The following PLEK2 variants were observed in gnomAD, a reference collection of about 807,000 sequenced individuals.
The protein encoded by PLEK2 is pleckstrin-2.
PLEK2 carries 29 observed loss-of-function variants against 43.8 expected under a neutral mutation model. That is an observed-to-expected ratio of 0.66 (90% CI 0.49 to 0.90). PLEK2 has a LOEUF of 0.90. Ranked by LOEUF, PLEK2 falls within the 40% of genes least tolerant of loss-of-function variation. The probability of loss-of-function intolerance (pLI) is 0.00; values close to 1 mark genes in which losing one functional copy is unlikely to be tolerated. For synonymous variants in PLEK2, 162 were observed against 173.2 expected, an observed-to-expected ratio of 0.94 and a Z score of 0.51; for missense variants, 398 against 448.1, an observed-to-expected ratio of 0.89 and a Z score of 1.01.
At position 67,412,109 on chromosome 14, in the gene PLEK2, C is replaced by G; in HGVS notation, c.-50G>C. 6.8e-7 allele frequency: 1 copy of G among 1,461,728 alleles called. No individual in the cohort carries two copies. The allele number at this position is 1,461,728 out of a possible 1,614,324, so 90.5% of individuals were successfully genotyped here. A position where few individuals can be genotyped will look rare whatever the true frequency, so the allele number is the denominator to read the frequency against. ...CCCCAGGTGCGCCTTCCCCGCGCCT[C>G]GCGCTCCTCGGCACCCGCGCAGCCC... On this transcript the variant is annotated 5_prime_UTR_variant, in exon 1 of 9. Transcript: ENST00000216446.
intron 3 of PLEK2, 74 bp downstream of exon 3, chr14:67,395,328 A>T (rs1472011819): frequency 1.5e-6 from 2 of 1,365,912 alleles, no homozygotes. Flanking sequence ...GAGCCCCCCC[A>T]AGGGGCAGGG....
chr14:67,408,804 C>A (rs569986505), intron 1 of PLEK2, among the ~76,000 whole-genome samples: 9 of 152,254 alleles, frequency 5.9e-5, no homozygotes, highest in African/African-American at 2.2e-4. Flanking sequence ...TTTTTCTTTA[C>A]TCATACATTT....
chr14:67,408,295 TAAATAAAATA>T (rs571696195), intron 1 of PLEK2, among the ~76,000 whole-genome samples: 24,154 of 116,564 alleles, frequency 0.21, 2,696 homozygotes, highest in Non-Finnish European at 0.26. Flanking sequence ...TCAAAATAAA[TAAATAAAATA>T]AAATAAAATA....
At chr14:67,389,126 G>A (rs542581013) in intron 7 of PLEK2, among the ~76,000 whole-genome samples, 26 of 152,050 alleles carry the variant, frequency 1.7e-4, no homozygotes, top group East Asian at 1.5e-3. Context: ...TACACACCTC[G>A]TGCCTCAGGC....
intron 6 of PLEK2, 91 bp downstream of exon 6, chr14:67,392,235 A>G (rs2085974287): frequency 1.1e-6 from 1 of 875,688 alleles, no homozygotes; most frequent in Non-Finnish European, 1.9e-6. Flanking sequence ...GCCCTCCAGC[A>G]GCCTCAGCCC....
intron 1 of PLEK2, among the ~76,000 whole-genome samples, chr14:67,411,137 A>C (rs1311601483): frequency 9.0e-6 from 1 of 110,704 alleles, no homozygotes; most frequent in African/African-American, 3.7e-5. Flanking sequence ...ACCCTGTCTC[A>C]AAAAAAAAAA....
intron 1 of PLEK2, among the ~76,000 whole-genome samples, chr14:67,406,041 T>C (rs2086076144): frequency 6.6e-6 from 1 of 152,100 alleles, no homozygotes; most frequent in Non-Finnish European, 1.5e-5. Flanking sequence ...GGTAGATCAC[T>C]TAAAGTCAAG....
rs542759243 is a variant in PLEK2 at position 67,403,739 on chromosome 14, A to G, written c.43-5913T>C. ...TTGACCCAATAATACCACTTTAGGG[A>G]TCTCTGTTAAGTAAATAATCTAGAA... On this transcript the variant is annotated intron_variant, in intron 1 of 8. Transcript: ENST00000216446. Among the ~76,000 whole-genome samples, 3 of 152,328 alleles carry G rather than the reference A, an allele frequency of 2.0e-5. No individual in the cohort carries two copies. In the East Asian group the frequency reaches 5.8e-4, roughly 29 times the overall value.
chr14:67,392,596 C>T, intron 5 of PLEK2, 66 bp downstream of exon 5: 1 of 1,445,082 alleles, frequency 6.9e-7, no homozygotes, highest in Non-Finnish European at 9.6e-7. Context: ...GCCCCCAGGC[C>T]CCCATTCTGT....
intron 3 of PLEK2, 152 bp downstream of exon 3, chr14:67,395,250 A>G (rs2085998436): frequency 1.6e-6 from 1 of 642,848 alleles, no homozygotes; most frequent in Non-Finnish European, 2.7e-6. Flanking sequence ...AATAATATAC[A>G]CAGGACAGGA....
rs142567235 is a variant in PLEK2 at position 67,401,849 on chromosome 14, C to T, written c.43-4023G>A. Among the ~76,000 whole-genome samples, 194 of 152,224 alleles carry T rather than the reference C, an allele frequency of 1.3e-3. 1 individual carries two copies. Among genetic ancestry groups the T allele is most frequent in the African/African-American group, 4.5e-3 (186 of 41,522 alleles). ...GGCAGAAAATACAAATACAGGCCGG[C>T]GCGGTGGCTCACGCCTGTAATTCCA... On this transcript the variant is annotated intron_variant, in intron 1 of 8. Coordinates refer to ENST00000216446, the MANE Select transcript of PLEK2 (RefSeq NM_016445.3).
In PLEK2 at chr14:67,400,708, C is replaced by T. The variant is rs1595659083; in HGVS notation, c.43-2882G>A. On this transcript the variant is annotated intron_variant, in intron 1 of 8. Coordinates refer to ENST00000216446, the MANE Select transcript of PLEK2 (RefSeq NM_016445.3). ...AGGAGAGGGCAAAAGAATCTTAGGG[C>T]TGAGCTCGGTGGTTCACGCCTGTAA... Among the ~76,000 whole-genome samples the T allele has an allele frequency of 7.2e-5, 11 of 152,030 alleles. No individual in the cohort carries two copies. The South Asian group carries it at 1.5e-3, about 20-fold the overall frequency.
chr14:67,395,674 G>A lies in PLEK2; in HGVS notation c.208-91C>T. On this transcript the variant is annotated intron_variant, in intron 2 of 8. Transcript: ENST00000216446. ...ATGACGGGGCCCCGGGAGAATCTAG[G>A]TGACAGTGACTGCCAAATGCCCTGA... is the stretch of plus-strand genomic sequence containing the variant. 5.1e-6 allele frequency: 5 copies of A among 982,700 alleles called. No individual in the cohort carries two copies. The South Asian group carries it at 7.4e-5, about 14-fold the overall frequency. The allele number at this position is 982,700 out of a possible 1,614,324, so 60.9% of individuals were successfully genotyped here. A position where few individuals can be genotyped will look rare whatever the true frequency, so the allele number is the denominator to read the frequency against.
In PLEK2 at chr14:67,407,443, TA is replaced by T. The variant is rs1312970118; in HGVS notation, c.42+4574del. Among the ~76,000 whole-genome samples the T allele has an allele frequency of 1.8e-4, 27 of 151,334 alleles. No homozygotes were observed. The East Asian group carries it at 4.1e-3, about 23-fold the overall frequency. ...GCCCCTAACCTTATTTTTTTTTAAT[TA>T]AAAAAAATGTTTTTGAGGCAGGGTC... is the stretch of plus-strand genomic sequence containing the variant. On this transcript the variant is annotated intron_variant, in intron 1 of 8. Coordinates refer to ENST00000216446, the MANE Select transcript of PLEK2 (RefSeq NM_016445.3).
chr14:67,409,614 C>G (rs1440881501), intron 1 of PLEK2, among the ~76,000 whole-genome samples: 2 of 152,140 alleles, frequency 1.3e-5, no homozygotes, highest in African/African-American at 4.8e-5. Flanking sequence ...CCCCTGACAG[C>G]CAGGCCCAGT....
chr14:67,387,221 A>C lies in PLEK2; in HGVS notation c.*108T>G. 9.7e-7 allele frequency: 1 copy of C among 1,035,860 alleles called. No homozygotes were observed. The highest frequency in any genetic ancestry group is 2.7e-5 in the East Asian group (1 of 37,042). The allele number at this position is 1,035,860 out of a possible 1,614,324, so 64.2% of individuals were successfully genotyped here. ...CTTGGCAGCATTCACTCTCCAAAGC[A>C]GTACAAAACTTACAAAGAAGTCAAA... is the stretch of plus-strand genomic sequence containing the variant. On this transcript the variant is annotated 3_prime_UTR_variant, in exon 9 of 9. Coordinates refer to ENST00000216446, the MANE Select transcript of PLEK2 (RefSeq NM_016445.3).
intron 1 of PLEK2, among the ~76,000 whole-genome samples, chr14:67,399,553 A>G (rs1390502708): frequency 1.4e-5 from 2 of 139,592 alleles, no homozygotes; most frequent in African/African-American, 5.6e-5. Flanking sequence ...AGAGAAGGGT[A>G]GTTTAGGTGG....
chr14:67,394,903 T>G (rs1951413706), intron 3 of PLEK2, among the ~76,000 whole-genome samples: 1 of 152,110 alleles, frequency 6.6e-6, no homozygotes, highest in Admixed American at 6.5e-5. Context: ...CTCAGCCCCC[T>G]CACTGTGTGA....
intron 3 of PLEK2, among the ~76,000 whole-genome samples, 188 bp from the exon 4 acceptor site, chr14:67,393,429 A>G (rs1418706988): frequency 1.3e-5 from 2 of 152,102 alleles, no homozygotes; most frequent in Admixed American, 6.5e-5. Flanking sequence ...TGAAGCCGCC[A>G]TGATGATTGA....
Sources: gnomAD v4.1 joint callset for allele counts (sites outside exome capture counted in the v4.1 genomes callset) on GRCh38, gnomAD v4.1.1 for gene constraint, MANE v1.5 for transcripts, NCBI Gene and HGNC (gene_info 2026-07-23, HGNC 2026-07-21) for gene names.